The following ZNF426 variants were observed in gnomAD, a reference collection of about 807,000 sequenced individuals.
ZNF426 encodes zinc finger protein 426.
Under a neutral mutation model 24.0 loss-of-function variants are expected in ZNF426, and 23 were observed. The ratio of observed to expected loss-of-function variants is 0.96; its 90% CI spans 0.69 to 1.36. ZNF426 has a LOEUF of 1.36. ZNF426 is among the 40% of genes most tolerant of loss of function. The pLI is 0.00. For synonymous variants in ZNF426, 272 were observed against 224.6 expected (o/e 1.21, Z -1.89); for missense variants, 646 against 658.4 (o/e 0.98, Z 0.21).
rs1296723987 is a variant in ZNF426, at chr19:9,529,605, TCA to T, written c.438_439del (p.Cys146Ter). ...GAAGACTTCTCCACATTGCTCACAG[TCA>T]CAGAGTTCCCTTCCATTGTGTTTTC... On this transcript the variant is annotated stop_gained and frameshift_variant, in exon 8 of 8. Coordinates refer to ENST00000253115, the MANE Select transcript of ZNF426 (RefSeq NM_024106.3). LOFTEE classifies it low-confidence loss of function (END_TRUNC). The T allele has an allele frequency of 3.8e-6, 6 of 1,599,608 alleles. No homozygotes were observed. In the African/African-American group the frequency reaches 5.4e-5, roughly 14 times the overall value.
In ZNF426 at chr19:9,526,172, C is replaced by T; in HGVS notation, c.*2208G>A. ...TGCTGCCCCTCTCCCCACAGCTTAT[C>T]ATGATTACTAGAGGCCTGCTTACAG... On this transcript the variant is annotated 3_prime_UTR_variant, in exon 8 of 8. Transcript: ENST00000253115. The T allele has an allele frequency of 6.6e-6, 1 of 151,462 alleles. No individual in the cohort carries two copies. The highest frequency in any genetic ancestry group is 2.1e-4 in the South Asian group (1 of 4,770). 9.4% of individuals were successfully genotyped at this position (151,462 alleles called of 1,614,324 possible).
chr19:9,538,462 C>G (rs1243499541), intron 1 of ZNF426, 113 bp downstream of exon 1: 1 of 152,354 alleles, frequency 6.6e-6, no homozygotes, highest in Non-Finnish European at 1.5e-5. Flanking sequence ...GAGCGACGGT[C>G]CGAGCGGACG....
chr19:9,525,236 G>A lies in ZNF426; in HGVS notation c.*3144C>T, dbSNP rs935967982. On this transcript the variant is annotated 3_prime_UTR_variant, in exon 8 of 8. Transcript: ENST00000253115. ...TGCACTCCAGCCTGGGCGACAGAGC[G>A]AGACTCCGTCTCAAAAAAAATAAAA... The A allele has an allele frequency of 3.5e-4, 53 of 150,310 alleles. No homozygotes were observed. The highest frequency in any genetic ancestry group is 1.2e-3 in the African/African-American group (48 of 40,770). 9.3% of individuals were successfully genotyped at this position (150,310 alleles called of 1,614,324 possible). A position where few individuals can be genotyped will look rare whatever the true frequency, so the allele number is the denominator to read the frequency against.
chr19:9,536,893 G>T (rs1201984596), intron 2 of ZNF426, among the ~76,000 whole-genome samples: 1 of 152,080 alleles, frequency 6.6e-6, no homozygotes, highest in African/African-American at 2.4e-5. Flanking sequence ...CCAGCACTTT[G>T]GGAGCCTGAG....
chr19:9,525,116 G>A lies in ZNF426; in HGVS notation c.*3264C>T, dbSNP rs1217184285. 6.6e-6 allele frequency: 1 copy of A among 151,394 alleles called. No homozygotes were observed. Among genetic ancestry groups the A allele is most frequent in the East Asian group, 2.0e-4 (1 of 5,038 alleles). The allele number at this position is 151,394 out of a possible 1,614,324, so 9.4% of individuals were successfully genotyped here. On this transcript the variant is annotated 3_prime_UTR_variant, in exon 8 of 8. Transcript: ENST00000253115. ...TACAAAAAATTAGCCGGGCGTGGTA[G>A]CGGGCGCCTGTAGTCCCAGCTACTC...
intron 4 of ZNF426, 139 bp from the exon 5 acceptor site, chr19:9,534,105 A>G: frequency 8.8e-7 from 1 of 1,130,974 alleles, no homozygotes; most frequent in Non-Finnish European, 1.2e-6. Flanking sequence ...AGGGTCCTAG[A>G]AACTCCTCGC....
rs147368433 is a variant in ZNF426 at position 9,534,294 on chromosome 19, C to T, written c.118-328G>A. Among the ~76,000 whole-genome samples, 10 of 152,264 alleles carry T rather than the reference C, an allele frequency of 6.6e-5. No homozygotes were observed. In the East Asian group the frequency reaches 1.9e-3, roughly 30 times the overall value. On this transcript the variant is annotated intron_variant, in intron 4 of 7. Transcript: ENST00000253115. ...AATCTTGGCTCACTGCAACCTCCACCTCCCAGGTTCAAGCAACTCTCCTGC... is the reference window on the plus strand; with the variant it reads ...AATCTTGGCTCACTGCAACCTCCACTTCCCAGGTTCAAGCAACTCTCCTGC...
In ZNF426 at chr19:9,532,933, C is replaced by T. The variant is rs1403805291; in HGVS notation, c.245-8G>A. The T allele has an allele frequency of 1.2e-6, 2 of 1,604,784 alleles. No individual in the cohort carries two copies. Among genetic ancestry groups the T allele is most frequent in the Admixed American group, 1.7e-5 (1 of 59,490 alleles). ...GTTTGATGATCTGACCTCCTGAGCA[C>T]AGAGAAATACATTAATGGAAGAGGC... On this transcript the variant is annotated splice_polypyrimidine_tract_variant and splice_region_variant and intron_variant, in intron 5 of 7. Coordinates refer to ENST00000253115, the MANE Select transcript of ZNF426 (RefSeq NM_024106.3).
In ZNF426 at chr19:9,529,157, ACTGAGGTAGG is replaced by A; in HGVS notation, c.878_887del (p.Ala293ValfsTer88). 6.2e-7 allele frequency: 1 copy of A among 1,614,240 alleles called. No homozygotes were observed. The highest frequency in any genetic ancestry group is 8.5e-7 in the Non-Finnish European group (1 of 1,180,036). The stretch of plus-strand genomic sequence containing the variant: ...CCCCAGTGTGGGTTCGCATGTGAAT[ACTGAGGTAGG>A]CTGGGTATCTATAGCCTTTTCCACA... On this transcript the variant is annotated frameshift_variant, in exon 8 of 8. Coordinates refer to ENST00000253115, the MANE Select transcript of ZNF426 (RefSeq NM_024106.3). LOFTEE classifies it low-confidence loss of function (END_TRUNC).
At position 9,529,233 on chromosome 19, in the gene ZNF426, A is replaced by G. The variant is rs2073843446; in HGVS notation, c.812T>C (p.Ile271Thr). The G allele has an allele frequency of 1.2e-6, 2 of 1,614,000 alleles. No homozygotes were observed. Among genetic ancestry groups the G allele is most frequent in the East Asian group, 2.2e-5 (1 of 44,884 alleles). The change falls in exon 8 of 8, where the codon ATA becomes ACA. Residue 271 changes from isoleucine (I) to threonine (T), a missense_variant. Physicochemically the swap from Ile to Thr is moderately conservative, Grantham distance 89 (BLOSUM62 -1). Transcript: ENST00000253115. Reference protein sequence around the residue: ...FIDSTSLSVLIETLNAKKPYK... With the variant: ...FIDSTSLSVLTETLNAKKPYK... ...GGGCTTTTTTGCATTGAGGGTTTCT[A>G]TAAGCACAGAAAGGCTTGTAGAGTC...
rs149897618 is a variant in ZNF426, at chr19:9,524,855, T to C, written c.*3525A>G. ...TTATATTCACAGGGTTTCTTTACCA[T>C]GTGAGTTCATATACTTGAAATGAAT... On this transcript the variant is annotated 3_prime_UTR_variant, in exon 8 of 8. Transcript: ENST00000253115. 5 of 150,710 alleles carry C rather than the reference T, an allele frequency of 3.3e-5. No individual in the cohort carries two copies. Among genetic ancestry groups the C allele is most frequent in the Admixed American group, 6.6e-5 (1 of 15,104 alleles). 9.3% of individuals were successfully genotyped at this position (150,710 alleles called of 1,614,324 possible).
At chr19:9,530,633 A>C (rs996966486) in intron 7 of ZNF426, among the ~76,000 whole-genome samples, 2 of 148,568 alleles carry the variant, frequency 1.3e-5, no homozygotes, top group Non-Finnish European at 1.5e-5. Context: ...GTGGTGGTGC[A>C]TGCCTGTAGT....
rs2073822005 is a variant in ZNF426, at chr19:9,528,365, A to G, written c.*15T>C. ...ATGAGAGCTTTCCCACATTTATTAC[A>G]TGGACAGTTTCTCACTAGTGAATTT... On this transcript the variant is annotated 3_prime_UTR_variant, in exon 8 of 8. Coordinates refer to ENST00000253115, the MANE Select transcript of ZNF426 (RefSeq NM_024106.3). The G allele has an allele frequency of 1.3e-6, 2 of 1,553,348 alleles. No homozygotes were observed. Among genetic ancestry groups the G allele is most frequent in the East Asian group, 2.2e-5 (1 of 44,462 alleles).
In ZNF426 at chr19:9,524,321, A is replaced by G. The variant is rs143160956; in HGVS notation, c.*4059T>C. Reference sequence around the variant, plus strand: ...TTACAAGTTCATTATGACCTGAGATAATAAAGAAGTGGTTCCAGATTCCCA... The same window carrying G: ...TTACAAGTTCATTATGACCTGAGATGATAAAGAAGTGGTTCCAGATTCCCA... On this transcript the variant is annotated 3_prime_UTR_variant, in exon 8 of 8. Transcript: ENST00000253115. 1 of 152,334 alleles carries G rather than the reference A, an allele frequency of 6.6e-6. No individual in the cohort carries two copies. Among genetic ancestry groups the G allele is most frequent in the African/African-American group, 2.4e-5 (1 of 41,574 alleles). The allele number at this position is 152,334 out of a possible 1,614,324, so 9.4% of individuals were successfully genotyped here. A position where few individuals can be genotyped will look rare whatever the true frequency, so the allele number is the denominator to read the frequency against.
intron 2 of ZNF426, among the ~76,000 whole-genome samples, chr19:9,536,937 G>A (rs948430379): frequency 2.0e-5 from 3 of 151,976 alleles, no homozygotes; most frequent in African/African-American, 4.8e-5. Context: ...GTTCAAGACC[G>A]GCCTAACCAA....
rs372011644 is a variant in ZNF426 at position 9,531,020 on chromosome 19, A to G, written c.373T>C (p.Phe125Leu). 45 of 1,614,012 alleles carry G rather than the reference A, an allele frequency of 2.8e-5. No homozygotes were observed. The highest frequency in any genetic ancestry group is 3.6e-5 in the Non-Finnish European group (43 of 1,179,966). ...CCAATGGATGTCTGACCCCTCAAAAAGTCCTGCTGAAGTATAGACCACTGG... is the reference window on the plus strand; with the variant it reads ...CCAATGGATGTCTGACCCCTCAAAAGGTCCTGCTGAAGTATAGACCACTGG... ...ETQWSILQQD[F>L]LRGQTSIGIQ... Residue 125 changes from phenylalanine (F) to leucine (L), a missense_variant, in exon 7 of 8, where the codon TTT becomes CTT. Physicochemically the swap from Phe to Leu is conservative, Grantham distance 22. Transcript: ENST00000253115.
At chr19:9,534,818 C>T (rs79008638) in intron 4 of ZNF426, among the ~76,000 whole-genome samples, 4,198 of 152,052 alleles carry the variant, frequency 0.028, 193 homozygotes, top group African/African-American at 0.097. Context: ...TGATCTTGAA[C>T]TCCTGTACTC....
chr19:9,535,675 A>ATT (rs34151124), intron 3 of ZNF426, among the ~76,000 whole-genome samples: 2 of 151,564 alleles, frequency 1.3e-5, no homozygotes, highest in African/African-American at 2.4e-5. Context: ...CTACAAAAAA[A>ATT]TTTTTTTAAT....
intron 7 of ZNF426, among the ~76,000 whole-genome samples, chr19:9,530,122 A>AAATAAT (rs60239218): frequency 6.5e-4 from 98 of 151,674 alleles, no homozygotes; most frequent in African/African-American, 2.3e-3. Context: ...CTCCGTCTCA[A>AAATAAT]AATAATAATA....
Sources: allele counts gnomAD v4.1 joint callset (sites outside exome capture counted in the v4.1 genomes callset), GRCh38; gene constraint gnomAD v4.1.1; transcripts MANE v1.5; gene names NCBI Gene and HGNC (gene_info 2026-07-23, HGNC 2026-07-21).